NBPF20: variants seen among roughly 807,000 people sequenced by gnomAD.
The protein encoded by NBPF20 is NBPF family member NBPF20.
NBPF20 carries 90 observed loss-of-function variants against 68.1 expected under a neutral mutation model. The ratio of observed to expected loss-of-function variants is 1.32; its 90% CI spans 1.11 to 1.58. The LOEUF (loss-of-function observed/expected upper bound fraction) is 1.58, where lower values mean the gene tolerates loss of function less well. Among genes scored for constraint, NBPF20 ranks in the 40% most tolerant of loss-of-function variants. The pLI is 0.00. For missense variants in NBPF20, 816 were observed against 601.2 expected, an observed-to-expected ratio of 1.36 and a Z score of -3.74; for synonymous variants, 290 against 228.1, an observed-to-expected ratio of 1.27 and a Z score of -2.45.
exon 138 of NBPF20, chr1:145,290,574 GA>G (rs1386339063): frequency 1.3e-5 from 2 of 150,510 alleles, no homozygotes; most frequent in Admixed American, 1.3e-4. Flanking sequence ...ACAAAAAGAT[GA>G]GGAAATATTT....
At chr1:145,422,016 A>C in the NBPF20 span, among the ~76,000 whole-genome samples, 28 of 152,034 alleles carry the variant, frequency 1.8e-4, no homozygotes, top group African/African-American at 3.4e-4. Flanking sequence ...CCAGCCTGGG[A>C]AACAGAGCGA....
Position 145,394,333 on chromosome 1 carries a change from A to G in NBPF20, c.992-398T>C, listed in dbSNP as rs1553663196. On this transcript the variant is annotated intron_variant, in intron 8 of 137. Coordinates refer to ENST00000369373, the Ensembl canonical transcript of NBPF20. The stretch of plus-strand genomic sequence containing the variant: ...GATTGTGGACACAGAGATTTGATGA[A>G]GGGGTGCAATGTACCAGCTCTTGAG... Among the ~76,000 whole-genome samples the G allele has an allele frequency of 2.6e-5, 4 of 151,770 alleles. No homozygotes were observed. The East Asian group carries it at 5.8e-4, about 22-fold the overall frequency.
the NBPF20 span, among the ~76,000 whole-genome samples, chr1:145,425,376 G>A: frequency 1.3e-5 from 2 of 152,054 alleles, no homozygotes; most frequent in African/African-American, 4.8e-5. Context: ...GGTGGACTTC[G>A]CTGTAAACCG....
In NBPF20 at chr1:145,400,498, G is replaced by A. The variant is rs1274135414; in HGVS notation, c.663C>T (p.Asn221=). ...TGATTTTGGTTTTCCTATGTGGCTG[G>A]TTGGAGTCATAAGGGCCATGGCTAT... The change falls in exon 6 of 138, where the codon AAC becomes AAT. Residue 221 remains asparagine (N), a synonymous_variant. Coordinates refer to ENST00000369373, the Ensembl canonical transcript of NBPF20. 20 of 1,612,932 alleles carry A rather than the reference G, an allele frequency of 1.2e-5. No homozygotes were observed. The East Asian group carries it at 4.0e-4, about 32-fold the overall frequency.
chr1:145,394,081 G>T, intron 8 of NBPF20, 146 bp from the exon 14 acceptor site: 1 of 650,280 alleles, frequency 1.5e-6, no homozygotes, highest in East Asian at 2.6e-5. Flanking sequence ...CAGTAGGCCT[G>T]AGGTCAAGTC....
At chr1:145,378,205 G>C in intron 28 of NBPF20, 111 bp from the exon 34 acceptor site, 1 of 64,332 alleles carries the variant, frequency 1.6e-5, no homozygotes, top group South Asian at 9.1e-5. Flanking sequence ...CATGAGAATA[G>C]GACACTGTGA....
At position 145,292,658 on chromosome 1, in the gene NBPF20, C is replaced by G. The variant is rs184364869; in HGVS notation, c.16589-169G>C. On this transcript the variant is annotated intron_variant, in intron 136 of 137. Coordinates refer to ENST00000369373, the Ensembl canonical transcript of NBPF20. ...AAGGCTGTTCATGATAGAACTTCCT[C>G]GGTTTTTCTCCCAGAAACTGTGGGT... 4.7e-4 allele frequency among the ~76,000 whole-genome samples: 69 copies of G among 147,968 alleles called. 9 individuals are homozygous for G. Among genetic ancestry groups the G allele is most frequent in the African/African-American group, 1.7e-3 (63 of 38,126 alleles).
chr1:145,419,153 AAGGGAGGGAGGGTGGAAGGGAAGG>A, the NBPF20 span, among the ~76,000 whole-genome samples: 8 of 131,710 alleles, frequency 6.1e-5, no homozygotes, highest in African/African-American at 1.4e-4. Context: ...GGAAGGAAGG[AAGGGAGGGAGGGTGGAAGGGAAGG>A]AGGGAGGGAA....
At chr1:145,397,633 C>T (rs1662321028) in intron 7 of NBPF20, among the ~76,000 whole-genome samples, 1 of 152,086 alleles carries the variant, frequency 6.6e-6, no homozygotes, top group East Asian at 1.9e-4. Context: ...CAAAAACATG[C>T]CAAACTGTAA....
At chr1:145,342,812 C>CAG (rs1232307393) in intron 73 of NBPF20, among the ~76,000 whole-genome samples, 3 of 107,424 alleles carry the variant, frequency 2.8e-5, no homozygotes, top group Non-Finnish European at 1.9e-5. Context: ...CACACACACA[C>CAG]AGAGAGAACG....
At chr1:145,292,559 A>G in intron 136 of NBPF20, 70 bp from the exon 142 acceptor site, 2 of 720,924 alleles carry the variant, frequency 2.8e-6, no homozygotes, top group Non-Finnish European at 4.9e-6. Flanking sequence ...TCCACTGTCT[A>G]ATCCTCACAC....
exon 138 of NBPF20, chr1:145,291,256 C>T (rs1275050862): frequency 3.4e-6 from 2 of 588,118 alleles, no homozygotes; most frequent in Non-Finnish European, 6.0e-6. Context: ...TGTAGCTACC[C>T]AGAGATACGT....
chr1:145,404,993 C>G (rs115882025), intron 2 of NBPF20, 105 bp downstream of exon 7: 66,977 of 762,584 alleles, frequency 0.088, 2,553 homozygotes, highest in African/African-American at 0.32. Context: ...TGTTTTCCTA[C>G]AAGTACAAGA....
At chr1:145,291,855 A>C in intron 137 of NBPF20, 86 bp from the exon 143 acceptor site, 1 of 1,608,184 alleles carries the variant, frequency 6.2e-7, no homozygotes, top group Non-Finnish European at 8.5e-7. Flanking sequence ...CACATAAGGA[A>C]GTGGTTAGAA....
chr1:145,393,419 AG>A (rs1190811183), intron 9 of NBPF20, among the ~76,000 whole-genome samples, 173 bp from the exon 15 acceptor site: 1 of 150,642 alleles, frequency 6.6e-6, no homozygotes, highest in Non-Finnish European at 1.5e-5. Context: ...CAGGTAGAAA[AG>A]GATGAAAGAG....
chr1:145,419,751 T>C, the NBPF20 span, among the ~76,000 whole-genome samples: 1 of 152,114 alleles, frequency 6.6e-6, no homozygotes, highest in Non-Finnish European at 1.5e-5. Flanking sequence ...GTGGGTTCCA[T>C]GGGGTAGTGA....
At chr1:145,416,215 A>T in the NBPF20 span, among the ~76,000 whole-genome samples, 2 of 144,144 alleles carry the variant, frequency 1.4e-5, no homozygotes, top group Non-Finnish European at 3.1e-5. Context: ...CAATTTTAAT[A>T]GCAGATTTTA....
chr1:145,413,436 A>T, the NBPF20 span, among the ~76,000 whole-genome samples: 1 of 151,988 alleles, frequency 6.6e-6, no homozygotes, highest in African/African-American at 2.4e-5. Flanking sequence ...ACAAGAATGG[A>T]TCAATAAACT....
Position 145,311,104 on chromosome 1 carries a change from C to G in NBPF20, c.13713-274G>C, listed in dbSNP as rs1409364241. Among the ~76,000 whole-genome samples, 16 of 62,438 alleles carry G rather than the reference C, an allele frequency of 2.6e-4. 4 individuals are homozygous for G. Among genetic ancestry groups the G allele is most frequent in the African/African-American group, 1.6e-3 (16 of 9,744 alleles). The allele number at this position is 62,438 out of a possible 152,430, so 41.0% of individuals were successfully genotyped here. A position where few individuals can be genotyped will look rare whatever the true frequency, so the allele number is the denominator to read the frequency against. ...CCGGGTGACACACTGATGAAGGGGT[C>G]AAAGGACACTCTGAGTTAGTGCCCT... On this transcript the variant is annotated intron_variant, in intron 113 of 137. Coordinates refer to ENST00000369373, the Ensembl canonical transcript of NBPF20.
Sources: allele counts gnomAD v4.1 joint callset (sites outside exome capture counted in the v4.1 genomes callset), GRCh38; gene constraint gnomAD v4.1.1; transcripts MANE v1.5; gene names NCBI Gene and HGNC (gene_info 2026-07-23, HGNC 2026-07-21).